Variants in DAB1 observed in about 807,000 individuals in gnomAD.
The protein encoded by DAB1 is DAB adaptor protein 1.
Under a neutral mutation model 64.6 loss-of-function variants are expected in DAB1, and 15 were observed. That is an observed-to-expected ratio of 0.23 (90% CI 0.16 to 0.36). The LOEUF (loss-of-function observed/expected upper bound fraction) is 0.36, where lower values mean the gene tolerates loss of function less well. Among genes scored for constraint, DAB1 ranks in the 10% least tolerant of loss-of-function variants. DAB1 has a pLI of 1.00. For missense variants in DAB1, 596 were observed against 706.7 expected (o/e 0.84, Z 1.78); for synonymous variants, 235 against 251.9 (o/e 0.93, Z 0.64).
chr1:58,190,951 G>A (rs762487757), intron 4 of DAB1, among the ~76,000 whole-genome samples: 1 of 152,206 alleles, frequency 6.6e-6, no homozygotes, highest in Non-Finnish European at 1.5e-5. Context: ...CACATGCTGT[G>A]ACACCCAGGC....
In DAB1 at chr1:57,639,403, T is replaced by G. The variant is rs58501211; in HGVS notation, n.625+10189A>C. Among the ~76,000 whole-genome samples the G allele has an allele frequency of 9.7e-3, 786 of 80,714 alleles. 6 individuals are homozygous for G. Among genetic ancestry groups the G allele is most frequent in the South Asian group, 0.02 (54 of 2,748 alleles). The allele number at this position is 80,714 out of a possible 152,430, so 53.0% of individuals were successfully genotyped here. On this transcript the variant is annotated intron_variant and non_coding_transcript_variant, in intron 7 of 20. Transcript: ENST00000485760. ...ATAACTTTATAAAGTTCTTTATAAA[T>G]AACTTTAGTAAATAACTTTAAAGTC...
At chr1:57,581,234 T>C (rs1645308264) in intron 7 of DAB1, among the ~76,000 whole-genome samples, 1 of 152,204 alleles carries the variant, frequency 6.6e-6, no homozygotes, top group Non-Finnish European at 1.5e-5. Context: ...GGAAAGGGAA[T>C]AAGAAAGACA....
intron 4 of DAB1, among the ~76,000 whole-genome samples, chr1:58,223,798 G>T (rs1008527205): frequency 1.3e-5 from 2 of 152,152 alleles, no homozygotes. Context: ...TATTACTCTG[G>T]TAATATAGTG....
rs763640550 is a variant in DAB1, at chr1:57,145,339, G to A, written c.158C>T (p.Ser53Phe). The A allele has an allele frequency of 6.2e-7, 1 of 1,614,094 alleles. No individual in the cohort carries two copies. The highest frequency in any genetic ancestry group is 2.2e-5 in the East Asian group (1 of 44,852). The change falls in exon 3 of 15, where the codon TCC (serine) becomes TTC (phenylalanine). Residue 53 changes from serine (S) to phenylalanine (F), a missense_variant. This residue lies in a region of DAB1 where 176 missense variants were observed against 266.7 expected (regional missense o/e 0.66). Coordinates refer to ENST00000371236, the MANE Select transcript of DAB1 (RefSeq NM_001365792.1). Reference protein sequence around the residue: ...KAKLIGIDEVSAARGDKLCQD... With the variant: ...KAKLIGIDEVFAARGDKLCQD... ...ACATAACTTGTCTCCCCGAGCTGCG[G>A]AAACTTCATCAATCCCGATCAATTT...
intron 5 of DAB1, among the ~76,000 whole-genome samples, chr1:58,109,492 TGAG>T (rs542802466): frequency 4.0e-4 from 61 of 152,216 alleles, no homozygotes; most frequent in African/African-American, 1.4e-3. Context: ...GGGATCTTGG[TGAG>T]GAGAACTAAT....
At chr1:57,929,550 C>A (rs1349763259) in intron 5 of DAB1, among the ~76,000 whole-genome samples, 4 of 152,116 alleles carry the variant, frequency 2.6e-5, no homozygotes, top group African/African-American at 9.7e-5. Flanking sequence ...CCTATGTTAT[C>A]TTCTAGGAGT....
intron 2 of DAB1, among the ~76,000 whole-genome samples, chr1:57,240,652 C>A (rs1668430062): frequency 1.3e-5 from 2 of 152,186 alleles, no homozygotes; most frequent in African/African-American, 4.8e-5. Flanking sequence ...AACACTGCCT[C>A]TATTTCTATG....
chr1:58,310,761 G>A (rs1662412515), intron 4 of DAB1, among the ~76,000 whole-genome samples: 1 of 152,122 alleles, frequency 6.6e-6, no homozygotes, highest in South Asian at 2.1e-4. Flanking sequence ...TGACCAACAA[G>A]TTCAGTTTAG....
chr1:57,334,062 A>T (rs1676889091), intron 1 of DAB1, among the ~76,000 whole-genome samples: 1 of 152,216 alleles, frequency 6.6e-6, no homozygotes, highest in Admixed American at 6.5e-5. Flanking sequence ...TTGGACTCCC[A>T]TTCTCTCTCA....
chr1:58,007,140 G>A (rs1294264340), intron 5 of DAB1, among the ~76,000 whole-genome samples: 1 of 151,992 alleles, frequency 6.6e-6, no homozygotes, highest in Non-Finnish European at 1.5e-5. Context: ...GGCCCAAATG[G>A]CAGCTAATCG....
intron 4 of DAB1, among the ~76,000 whole-genome samples, chr1:57,084,967 A>C (rs1652924455): frequency 6.6e-6 from 1 of 152,186 alleles, no homozygotes; most frequent in African/African-American, 2.4e-5. Flanking sequence ...TTGGAAAATG[A>C]ACTGTCAGTA....
At chr1:57,362,585 G>A (rs1169317043) in intron 1 of DAB1, among the ~76,000 whole-genome samples, 4 of 152,270 alleles carry the variant, frequency 2.6e-5, no homozygotes, top group Non-Finnish European at 1.5e-5. Context: ...GCCCTAGTGA[G>A]TGGGATTAGT....
chr1:57,115,825 C>T (rs1656057204), intron 4 of DAB1, among the ~76,000 whole-genome samples: 2 of 152,058 alleles, frequency 1.3e-5, no homozygotes, highest in Admixed American at 1.3e-4. Context: ...GGGCATTTTT[C>T]AAAAGAATAG....
chr1:58,182,576 C>T (rs909771139), intron 4 of DAB1, among the ~76,000 whole-genome samples: 1 of 151,738 alleles, frequency 6.6e-6, no homozygotes, highest in African/African-American at 2.4e-5. Flanking sequence ...GCTGTTGAGC[C>T]CCTTGAGTAA....
At chr1:58,197,616 G>A (rs528175103) in intron 4 of DAB1, among the ~76,000 whole-genome samples, 26 of 151,294 alleles carry the variant, frequency 1.7e-4, no homozygotes, top group African/African-American at 5.6e-4. Flanking sequence ...GGATGGTCTC[G>A]ATCTTTTGAC....
Position 57,480,834 on chromosome 1 carries a change from G to A in DAB1, n.625+168758C>T, listed in dbSNP as rs577585542. On this transcript the variant is annotated intron_variant and non_coding_transcript_variant, in intron 7 of 20. Transcript: ENST00000485760. ...ACAAATCTACTAGATAGGCATCACAGTAGCCATTCTGGAGATGAGAAAGCT... is the reference window on the plus strand; with the variant it reads ...ACAAATCTACTAGATAGGCATCACAATAGCCATTCTGGAGATGAGAAAGCT... Among the ~76,000 whole-genome samples the A allele has an allele frequency of 3.6e-4, 55 of 152,246 alleles. 1 individual carries two copies. In the South Asian group the frequency reaches 0.011, roughly 30 times the overall value.
intron 5 of DAB1, among the ~76,000 whole-genome samples, chr1:58,057,873 T>C (rs888175087): frequency 2.0e-5 from 3 of 151,946 alleles, no homozygotes; most frequent in Non-Finnish European, 4.4e-5. Flanking sequence ...AGGAGCATCC[T>C]CTCACCTGTT....
intron 3 of DAB1, among the ~76,000 whole-genome samples, chr1:58,381,264 G>C (rs338945): frequency 0.72 from 109,706 of 151,920 alleles, 40,883 homozygotes; most frequent in African/African-American, 0.93. Context: ...ACCTAAGTAA[G>C]AAATCTGCGC....
At chr1:58,314,692 C>T (rs1478301441) in intron 4 of DAB1, among the ~76,000 whole-genome samples, 2 of 152,204 alleles carry the variant, frequency 1.3e-5, no homozygotes, top group African/African-American at 4.8e-5. Flanking sequence ...CTGGTGACTA[C>T]TGGCACTAGG....
Sources: gnomAD v4.1 joint callset for allele counts (sites outside exome capture counted in the v4.1 genomes callset) on GRCh38, gnomAD v4.1.1 for gene constraint, gnomAD v4.1.1 regional missense constraint, MANE v1.5 for transcripts, NCBI Gene and HGNC (gene_info 2026-07-23, HGNC 2026-07-21) for gene names.